Variants in PCDHGA2 observed in about 807,000 individuals in gnomAD.
The protein encoded by PCDHGA2 is protocadherin gamma-A2.
PCDHGA2 carries 40 observed loss-of-function variants against 59.2 expected under a neutral mutation model. The observed-to-expected ratio is 0.68, with a 90% confidence interval of 0.52 to 0.88. PCDHGA2 has a LOEUF of 0.88. Ranked by LOEUF, PCDHGA2 falls within the 40% of genes least tolerant of loss-of-function variation. PCDHGA2 has a pLI of 0.00. For missense variants in PCDHGA2, 1,226 were observed against 1,204.0 expected, an observed-to-expected ratio of 1.02 and a Z score of -0.27; for synonymous variants, 560 against 526.0, an observed-to-expected ratio of 1.06 and a Z score of -0.89.
At chr5:141,393,952 G>C in intron 1 of PCDHGA2, 4 of 1,613,916 alleles carry the variant, frequency 2.5e-6, no homozygotes, top group Non-Finnish European at 3.4e-6. Context: ...GGAAAGAATG[G>C]TCAAGTTGTC....
intron 2 of PCDHGA2, among the ~76,000 whole-genome samples, chr5:141,500,788 A>T (rs1379810633): frequency 2.6e-5 from 4 of 152,198 alleles, no homozygotes; most frequent in Admixed American, 6.5e-5. Context: ...ATATTATTTT[A>T]CAGAATAAGT....
rs776015544 is a variant in PCDHGA2, at chr5:141,485,125, G to C, written c.2425-9682G>C. The C allele has an allele frequency of 7.1e-7, 1 of 1,412,278 alleles. No homozygotes were observed. Among genetic ancestry groups the C allele is most frequent in the Admixed American group, 1.7e-5 (1 of 57,660 alleles). 87.5% of individuals were successfully genotyped at this position (1,412,278 alleles called of 1,614,324 possible). On this transcript the variant is annotated intron_variant, in intron 1 of 3. Transcript: ENST00000394576. The surrounding 1 kb of genome is among the most constrained non-coding windows in gnomAD (Gnocchi z 5.7). The stretch of plus-strand genomic sequence containing the variant: ...CTGCTGTGGCTGTTTGGGGCGGGTC[G>C]GCTTCATCCGCGTCTCAGGAGCAAG...
At position 141,409,159 on chromosome 5, in the gene PCDHGA2, GGAAGC is replaced by G. The variant is rs1361879939; in HGVS notation, c.2424+67769_2424+67773del. On this transcript the variant is annotated intron_variant, in intron 1 of 3. Transcript: ENST00000394576. ...ATGTAGAAAGGTACACCATGGAAGTGGAAGCGAAGGACGGAGGTGGTCTCTCTACC... is the reference window on the plus strand; with the variant it reads ...ATGTAGAAAGGTACACCATGGAAGTGGAAGGACGGAGGTGGTCTCTCTACC... The G allele has an allele frequency of 3.1e-6, 5 of 1,614,014 alleles. 1 individual carries two copies. In the South Asian group the frequency reaches 5.5e-5, roughly 18 times the overall value.
chr5:141,432,630 G>A lies in PCDHGA2; in HGVS notation c.2425-62177G>A, dbSNP rs1278355878. On this transcript the variant is annotated intron_variant, in intron 1 of 3. Coordinates refer to ENST00000394576, the MANE Select transcript of PCDHGA2 (RefSeq NM_018915.4). This position sits in a 1 kb window ranked among gnomAD's most constrained non-coding sequence, Gnocchi z 6.0. ...CTCTTCTCGGTGGGTCTGCACACGG[G>A]CGAGGTGCGCACGGCGCGAGCCCTG... 3.7e-6 allele frequency: 6 copies of A among 1,612,782 alleles called. No homozygotes were observed. Among genetic ancestry groups the A allele is most frequent in the Non-Finnish European group, 5.1e-6 (6 of 1,179,682 alleles).
chr5:141,395,213 T>C, intron 1 of PCDHGA2: 1 of 1,613,280 alleles, frequency 6.2e-7, no homozygotes, highest in Non-Finnish European at 8.5e-7. Flanking sequence ...TTCATGAATA[T>C]AAGAATGAAG....
At chr5:141,399,806 A>G in intron 1 of PCDHGA2, 1 of 1,613,106 alleles carries the variant, frequency 6.2e-7, no homozygotes, top group Non-Finnish European at 8.5e-7. Context: ...CGGGTGCTGT[A>G]CCCCGCGCTG....
At chr5:141,393,777 G>A (rs1388423635) in intron 1 of PCDHGA2, 2 of 1,613,916 alleles carry the variant, frequency 1.2e-6, no homozygotes, top group East Asian at 2.2e-5. Context: ...AATACAAGCC[G>A]AAGATGTGGG....
intron 1 of PCDHGA2, chr5:141,351,590 A>C (rs1758764675): frequency 6.2e-7 from 1 of 1,613,860 alleles, no homozygotes; most frequent in Admixed American, 1.7e-5. Flanking sequence ...CATCAACGAC[A>C]ATGCACCTGT....
intron 1 of PCDHGA2, chr5:141,441,799 G>C (rs546770596): frequency 2.6e-6 from 1 of 385,350 alleles, no homozygotes; most frequent in Non-Finnish European, 5.2e-6. Context: ...AACGCACCGC[G>C]GGTGCTGTAC....
In PCDHGA2 at chr5:141,489,663, C is replaced by T. The variant is rs1183544696; in HGVS notation, c.2425-5144C>T. The T allele has an allele frequency of 1.9e-6, 3 of 1,614,048 alleles. No individual in the cohort carries two copies. The highest frequency in any genetic ancestry group is 2.2e-5 in the South Asian group (2 of 91,094). ...TTGCCACCCCTGAGCGAGAGATGCGCATCTCAGAATCAGCAGCATCTGGGG... is the reference window on the plus strand; with the variant it reads ...TTGCCACCCCTGAGCGAGAGATGCGTATCTCAGAATCAGCAGCATCTGGGG... On this transcript the variant is annotated intron_variant, in intron 1 of 3. Coordinates refer to ENST00000394576, the MANE Select transcript of PCDHGA2 (RefSeq NM_018915.4). This position sits in a 1 kb window ranked among gnomAD's most constrained non-coding sequence, Gnocchi z 4.5.
chr5:141,431,325 G>C lies in PCDHGA2; in HGVS notation c.2425-63482G>C, dbSNP rs772252181. On this transcript the variant is annotated intron_variant, in intron 1 of 3. Coordinates refer to ENST00000394576, the MANE Select transcript of PCDHGA2 (RefSeq NM_018915.4). The surrounding 1 kb of genome is among the most constrained non-coding windows in gnomAD (Gnocchi z 4.8). Reference sequence around the variant, plus strand: ...ATCGTGCAAAATGGAGCCGACGGTAGTAAGTACCCCGAATTGGTGCTGAAA... The same window carrying C: ...ATCGTGCAAAATGGAGCCGACGGTACTAAGTACCCCGAATTGGTGCTGAAA... 4.3e-6 allele frequency: 7 copies of C among 1,614,144 alleles called. No individual in the cohort carries two copies. In the Admixed American group the frequency reaches 8.3e-5, roughly 19 times the overall value.
rs2093981639 is a variant in PCDHGA2 at position 141,400,215 on chromosome 5, A to G, written c.2424+58820A>G. On this transcript the variant is annotated intron_variant, in intron 1 of 3. Transcript: ENST00000394576. ...TAGTGGTGGCCTTGGCCTTGATCTC[A>G]GTGCTCTTCCTCCTGGCCGTGATTC... 3 of 1,613,736 alleles carry G rather than the reference A, an allele frequency of 1.9e-6. No individual in the cohort carries two copies. The East Asian group carries it at 6.7e-5, about 36-fold the overall frequency.
At chr5:141,390,458 G>A (rs1037400063) in intron 1 of PCDHGA2, 7 of 754,546 alleles carry the variant, frequency 9.3e-6, no homozygotes, top group Non-Finnish European at 1.5e-5. Context: ...AGTAAAGTAG[G>A]AGCAATTGTG....
chr5:141,339,946 G>A lies in PCDHGA2; in HGVS notation c.975G>A (p.Pro325=), dbSNP rs774058017. 5.6e-6 allele frequency: 9 copies of A among 1,613,954 alleles called. No individual in the cohort carries two copies. Among genetic ancestry groups the A allele is most frequent in the Middle Eastern group, 3.3e-4 (2 of 6,084 alleles). ...TTGATATTGAAGCTCAGGATGGTCC[G>A]GGCCTTCTAACCAGAGCGAAGGTTA... is the stretch of plus-strand genomic sequence containing the variant. ...HEIDIEAQDG[P]GLLTRAKVIV... is the part of the protein sequence containing the mutation. The change falls in exon 1 of 4, where the codon CCG becomes CCA. Residue 325 remains proline (P), a synonymous_variant. Coordinates refer to ENST00000394576, the MANE Select transcript of PCDHGA2 (RefSeq NM_018915.4).
Position 141,341,393 on chromosome 5 carries a change from C to G in PCDHGA2, c.2422C>G (p.Gln808Glu). The stretch of plus-strand genomic sequence containing the variant: ...AGAAGAAAGAGAAGAAACGTTTTCT[C>G]AGGTAATCTATCTTTTCACAACATA... ...LEEEREETFS[Q>E]QAPPNTDWRF... Residue 808 changes from glutamine (Q) to glutamate (E), a missense_variant and splice_region_variant, in exon 1 of 4, where the codon CAG becomes GAG. Coordinates refer to ENST00000394576, the MANE Select transcript of PCDHGA2 (RefSeq NM_018915.4). 1.9e-6 allele frequency: 3 copies of G among 1,614,194 alleles called. No individual in the cohort carries two copies. The highest frequency in any genetic ancestry group is 2.5e-6 in the Non-Finnish European group (3 of 1,180,042).
At chr5:141,481,732 T>G (rs549671056) in intron 1 of PCDHGA2, among the ~76,000 whole-genome samples, 33 of 151,884 alleles carry the variant, frequency 2.2e-4, no homozygotes, top group Non-Finnish European at 4.3e-4. Context: ...GGCGGGCGGA[T>G]CACGAGGTCA....
At chr5:141,345,433 G>A in intron 1 of PCDHGA2, 1 of 1,613,934 alleles carries the variant, frequency 6.2e-7, no homozygotes, top group Non-Finnish European at 8.5e-7. Flanking sequence ...AACAACCCCA[G>A]AGGAGCCTCC....
chr5:141,342,381 G>T (rs550572607), intron 1 of PCDHGA2: 9 of 152,048 alleles, frequency 5.9e-5, no homozygotes, highest in Non-Finnish European at 1.0e-4. Flanking sequence ...TAGTATGTTG[G>T]TTATGTATTT....
At chr5:141,365,327 G>T in intron 1 of PCDHGA2, 1 of 1,613,998 alleles carries the variant, frequency 6.2e-7, no homozygotes, top group East Asian at 2.2e-5. Flanking sequence ...CAGCGCTAAG[G>T]TGGTGGTCAC....
Sources: allele counts gnomAD v4.1 joint callset (sites outside exome capture counted in the v4.1 genomes callset), GRCh38; gene constraint gnomAD v4.1.1; non-coding constraint Gnocchi (gnomAD v3.1); transcripts MANE v1.5; gene names NCBI Gene and HGNC (gene_info 2026-07-23, HGNC 2026-07-21).